SET: variants seen among roughly 807,000 people sequenced by gnomAD.
The protein encoded by SET is SET nuclear proto-oncogene, also known as protein SET.
In SET, 4 loss-of-function variants were observed where a neutral mutation model predicts 39.0. The ratio of observed to expected loss-of-function variants is 0.10; its 90% CI spans 0.05 to 0.23. The LOEUF (loss-of-function observed/expected upper bound fraction) is 0.23, where lower values mean the gene tolerates loss of function less well. Among genes scored for constraint, SET ranks in the 10% least tolerant of loss-of-function variants. SET has a pLI of 1.00. For missense variants in SET, 137 were observed against 329.7 expected (o/e 0.42, Z 4.53); for synonymous variants, 114 against 115.9 (o/e 0.98, Z 0.11).
intron 1 of SET, chr9:128,689,879 TGCGGCCTGCTCG>T (rs1861450278): frequency 1.1e-5 from 2 of 184,772 alleles, no homozygotes; most frequent in Admixed American, 1.4e-4. Context: ...GCGGGGGCGC[TGCGGCCTGCTCG>T]GCGCGGGCGG....
chr9:128,689,409 G>A lies in SET; in HGVS notation c.-174G>A, dbSNP rs1239146018. ...AGCCCGTCCCTCGGCGTCAGGCCGC[G>A]AGGGTAGCGCGCGCGAGCGAGCGAG... On this transcript the variant is annotated 5_prime_UTR_variant, in exon 1 of 8. Coordinates refer to ENST00000322030, the MANE Select transcript of SET (RefSeq NM_003011.4). 3 of 831,290 alleles carry A rather than the reference G, an allele frequency of 3.6e-6. No individual in the cohort carries two copies. Among genetic ancestry groups the A allele is most frequent in the Non-Finnish European group, 1.5e-6 (1 of 656,294 alleles). 51.5% of individuals were successfully genotyped at this position (831,290 alleles called of 1,614,324 possible). A position where few individuals can be genotyped will look rare whatever the true frequency, so the allele number is the denominator to read the frequency against.
At chr9:128,692,105 C>T in intron 3 of SET, 105 bp downstream of exon 3, 1 of 1,381,038 alleles carries the variant, frequency 7.2e-7, no homozygotes. Context: ...GCAACAAAGA[C>T]AGGCTGGGTG....
intron 5 of SET, 138 bp downstream of exon 5, chr9:128,693,119 A>C (rs1442584738): frequency 1.6e-6 from 1 of 637,576 alleles, no homozygotes; most frequent in Non-Finnish European, 2.8e-6. Context: ...AGTGTGCTGA[A>C]GCCAAGTATT....
chr9:128,689,719 G>A, intron 1 of SET, 64 bp downstream of exon 1: 4 of 346,538 alleles, frequency 1.2e-5, no homozygotes, highest in Non-Finnish European at 1.6e-5. Flanking sequence ...CCGGCCCGCA[G>A]GCCGCCGGCG....
chr9:128,693,556 G>A, intron 5 of SET, 82 bp from the exon 6 acceptor site: 7 of 1,403,754 alleles, frequency 5.0e-6, no homozygotes, highest in Non-Finnish European at 6.6e-6. Flanking sequence ...TTAGCTTTTG[G>A]GGAAAATCTT....
upstream of SET, among the ~76,000 whole-genome samples, chr9:128,685,681 G>C (rs1861258400): frequency 6.6e-6 from 1 of 152,186 alleles, no homozygotes; most frequent in South Asian, 2.1e-4. Flanking sequence ...GCACTGTGGG[G>C]GAATGCCAGC....
upstream of SET, among the ~76,000 whole-genome samples, chr9:128,684,232 T>C (rs563354221): frequency 2.1e-4 from 32 of 152,032 alleles, no homozygotes; most frequent in Non-Finnish European, 4.6e-4. Context: ...CACTGACCCC[T>C]GAGCTTGTCT....
In SET at chr9:128,689,275, A is replaced by C; in HGVS notation, c.-308A>C. 2.0e-6 allele frequency: 2 copies of C among 1,010,064 alleles called. No individual in the cohort carries two copies. Among genetic ancestry groups the C allele is most frequent in the Non-Finnish European group, 2.4e-6 (2 of 845,470 alleles). 62.6% of individuals were successfully genotyped at this position (1,010,064 alleles called of 1,614,324 possible). A position where few individuals can be genotyped will look rare whatever the true frequency, so the allele number is the denominator to read the frequency against. On this transcript the variant is annotated 5_prime_UTR_variant, in exon 1 of 8. Coordinates refer to ENST00000322030, the MANE Select transcript of SET (RefSeq NM_003011.4). ...AGGCGGCTCGGGAGAGCGAGCAGCG[A>C]GCTGGCTGGATCGCCGAGCGCGAGT...
intron 1 of SET, chr9:128,684,112 C>G: frequency 2.2e-6 from 2 of 890,336 alleles, no homozygotes; most frequent in Non-Finnish European, 3.4e-6. Flanking sequence ...CCTAAGCACC[C>G]CCAAAGGGTT....
chr9:128,687,724 T>A (rs991987017), upstream of SET, among the ~76,000 whole-genome samples: 2 of 152,062 alleles, frequency 1.3e-5, no homozygotes, highest in African/African-American at 4.8e-5. Flanking sequence ...ATTTCAGGTA[T>A]TTTTTTGTTT....
Position 128,689,595 on chromosome 9 carries a change from G to A in SET, c.13G>A (p.Ala5Thr). The A allele has an allele frequency of 7.2e-7, 1 of 1,382,494 alleles. No homozygotes were observed. The highest frequency in any genetic ancestry group is 9.5e-7 in the Non-Finnish European group (1 of 1,050,012). The allele number at this position is 1,382,494 out of a possible 1,614,324, so 85.6% of individuals were successfully genotyped here. A position where few individuals can be genotyped will look rare whatever the true frequency, so the allele number is the denominator to read the frequency against. ...GCGGAGCAGCACCATGTCGGCGCCG[G>A]CGGCCAAAGTCAGTAAAAAGGAGCT... MSAPAAKVSKKELNS... is the reference protein window; with the variant it reads MSAPTAKVSKKELNS... Residue 5 changes from alanine to threonine, a missense_variant, in exon 1 of 8, where the codon GCG (alanine) becomes ACG (threonine). Physicochemically the swap from Ala to Thr is moderately conservative, Grantham distance 58 (BLOSUM62 0). This residue lies in a region of SET where 34 missense variants were observed against 29.5 expected (regional missense o/e 1.15). Coordinates refer to ENST00000322030, the MANE Select transcript of SET (RefSeq NM_003011.4).
At chr9:128,689,740 C>G (rs897723394) in intron 1 of SET, 85 bp downstream of exon 1, 93 of 204,478 alleles carry the variant, frequency 4.5e-4, no homozygotes, top group African/African-American at 2.2e-3. Flanking sequence ...GGGCCCGGGG[C>G]GCGCGCGGGG....
At chr9:128,694,542 T>A in intron 7 of SET, 99 bp from the exon 8 acceptor site, 2 of 703,782 alleles carry the variant, frequency 2.8e-6, no homozygotes, top group Non-Finnish European at 4.8e-6. Context: ...GTTTAGAAAC[T>A]GGAGTGCCCC....
chr9:128,687,617 C>CAAAA (rs57072661), upstream of SET, among the ~76,000 whole-genome samples: 4 of 79,674 alleles, frequency 5.0e-5, no homozygotes, highest in Non-Finnish European at 5.2e-5. Context: ...CCTCCCCCAC[C>CAAAA]AAAAAAAAAA....
chr9:128,689,002 G>A (rs1362011834), upstream of SET, among the ~76,000 whole-genome samples: 1 of 151,322 alleles, frequency 6.6e-6, no homozygotes, highest in Admixed American at 6.6e-5. Context: ...AGTGTCCTGG[G>A]TCGGGCCGGA....
At chr9:128,691,772 A>T in intron 2 of SET, 86 bp from the exon 3 acceptor site, 1 of 1,303,580 alleles carries the variant, frequency 7.7e-7, no homozygotes, top group Non-Finnish European at 1.1e-6. Context: ...GACTCAAGCT[A>T]GTAAGTAAAT....
Position 128,689,241 on chromosome 9 carries a change from T to C in SET, c.-342T>C. On this transcript the variant is annotated 5_prime_UTR_variant, in exon 1 of 8. Transcript: ENST00000322030. ...GCCCGCCCCTCGCCGTAGGAGGAGG[T>C]GGAGGAGGAGGCGGCTCGGGAGAGC... is the stretch of plus-strand genomic sequence containing the variant. The C allele has an allele frequency of 6.0e-6, 6 of 997,732 alleles. No homozygotes were observed. The highest frequency in any genetic ancestry group is 4.7e-5 in the South Asian group (1 of 21,416). The allele number at this position is 997,732 out of a possible 1,614,324, so 61.8% of individuals were successfully genotyped here.
rs1465496576 is a variant in SET, at chr9:128,692,416, A to AC, written c.275-246_275-245insC. The AC allele has an allele frequency of 1.3e-4, 33 of 260,466 alleles. 1 individual carries two copies. The highest frequency in any genetic ancestry group is 7.2e-4 in the African/African-American group (31 of 42,844). 16.1% of individuals were successfully genotyped at this position (260,466 alleles called of 1,614,324 possible). A position where few individuals can be genotyped will look rare whatever the true frequency, so the allele number is the denominator to read the frequency against. On this transcript the variant is annotated intron_variant, in intron 3 of 7. Coordinates refer to ENST00000322030, the MANE Select transcript of SET (RefSeq NM_003011.4). ...CTGTTTCAAAAAAAAAAAAAAAAAA[A>AC]AAAAAACCTCAAAGACGGGAAAAGA... is the stretch of plus-strand genomic sequence containing the variant.
At chr9:128,692,094 T>C in intron 3 of SET, 94 bp downstream of exon 3, 12 of 1,462,098 alleles carry the variant, frequency 8.2e-6, no homozygotes, top group Non-Finnish European at 1.1e-5. Context: ...CTGGGTTGCG[T>C]GCAACAAAGA....
Sources: allele counts gnomAD v4.1 joint callset (sites outside exome capture counted in the v4.1 genomes callset), GRCh38; gene constraint gnomAD v4.1.1; regional missense constraint gnomAD v4.1.1; transcripts MANE v1.5; gene names NCBI Gene and HGNC (gene_info 2026-07-23, HGNC 2026-07-21).